The following PAFAH1B1 variants were observed in gnomAD, a reference collection of about 807,000 sequenced individuals.
PAFAH1B1 encodes the protein platelet-activating factor acetylhydrolase IB subunit beta.
In PAFAH1B1, 2 loss-of-function variants were observed where a neutral mutation model predicts 57.5. That is an observed-to-expected ratio of 0.03 (90% confidence interval 0.01 to 0.11). The LOEUF (loss-of-function observed/expected upper bound fraction) is 0.11. Among genes scored for constraint, PAFAH1B1 ranks in the 10% least tolerant of loss-of-function variants. The pLI, the probability that PAFAH1B1 is intolerant of heterozygous loss-of-function variation, is 1.00. For synonymous variants in PAFAH1B1, 152 were observed against 169.6 expected, an observed-to-expected ratio of 0.90 and a Z score of 0.81; for missense variants, 257 against 512.0, an observed-to-expected ratio of 0.50 and a Z score of 4.81.
At chr17:2,603,182 CAG>C (rs2068165246) in intron 1 of PAFAH1B1, among the ~76,000 whole-genome samples, 1 of 151,706 alleles carries the variant, frequency 6.6e-6, no homozygotes, top group South Asian at 2.1e-4. Context: ...TTTTTTGAGA[CAG>C]GGTCTGGCTC....
In PAFAH1B1 at chr17:2,674,063, C is replaced by T. The variant is rs587784282; in HGVS notation, c.675C>T (p.Tyr225=). 2 of 1,601,286 alleles carry T rather than the reference C, an allele frequency of 1.2e-6. No individual in the cohort carries two copies. The highest frequency in any genetic ancestry group is 1.7e-6 in the Non-Finnish European group (2 of 1,168,666). Residue 225 remains tyrosine (Y), a synonymous_variant, in exon 8 of 11, where the codon TAC becomes TAT. Coordinates refer to ENST00000397195, the MANE Select transcript of PAFAH1B1 (RefSeq NM_000430.4). ...TIKMWEVQTG[Y]CVKTFTGHRE... is the part of the protein sequence containing the mutation. ...AAGTTATTATTTATATTGACAGCTACTGTGTGAAGACATTCACAGGACACA... is the reference window on the plus strand; with the variant it reads ...AAGTTATTATTTATATTGACAGCTATTGTGTGAAGACATTCACAGGACACA...
intron 1 of PAFAH1B1, among the ~76,000 whole-genome samples, chr17:2,626,014 G>T (rs1384410476): frequency 6.6e-6 from 1 of 152,140 alleles, no homozygotes; most frequent in African/African-American, 2.4e-5. Flanking sequence ...ACTTTGGGAG[G>T]CCAAGGCAGG....
At chr17:2,666,694 C>T (rs2069110083) in intron 4 of PAFAH1B1, among the ~76,000 whole-genome samples, 1 of 152,094 alleles carries the variant, frequency 6.6e-6, no homozygotes, top group South Asian at 2.1e-4. Context: ...AATTCACTGC[C>T]CTTCTCTAAT....
chr17:2,642,968 C>T (rs189007870), intron 2 of PAFAH1B1, among the ~76,000 whole-genome samples: 408 of 152,268 alleles, frequency 2.7e-3, no homozygotes, highest in African/African-American at 9.0e-3. Flanking sequence ...ATGTTACCCC[C>T]AACTCCTTTC....
intron 2 of PAFAH1B1, among the ~76,000 whole-genome samples, chr17:2,654,587 T>C (rs561992206): frequency 2.0e-5 from 3 of 152,170 alleles, no homozygotes; most frequent in Non-Finnish European, 4.4e-5. Flanking sequence ...AGGTAAAAAA[T>C]TAAAAAGGCC....
chr17:2,600,899 AT>A (rs1461284032), intron 1 of PAFAH1B1, among the ~76,000 whole-genome samples: 1 of 151,732 alleles, frequency 6.6e-6, no homozygotes, highest in East Asian at 2.0e-4. Flanking sequence ...CACCTGGCTA[AT>A]TTTTTATTTT....
chr17:2,619,296 A>G (rs2068388590), intron 1 of PAFAH1B1, among the ~76,000 whole-genome samples: 1 of 152,068 alleles, frequency 6.6e-6, no homozygotes, highest in Non-Finnish European at 1.5e-5. Context: ...GGACCTAAGT[A>G]TGTACCAACC....
chr17:2,662,377 T>TC (rs1567552873), intron 2 of PAFAH1B1, among the ~76,000 whole-genome samples: 2 of 126,082 alleles, frequency 1.6e-5, no homozygotes, highest in Admixed American at 1.8e-4. Context: ...TTTTAACCTC[T>TC]TTGTGTGTGT....
At chr17:2,655,151 G>T (rs942162717) in intron 2 of PAFAH1B1, among the ~76,000 whole-genome samples, 2 of 150,146 alleles carry the variant, frequency 1.3e-5, no homozygotes, top group East Asian at 3.9e-4. Context: ...GAATGAAATT[G>T]CTGATCATTT....
intron 2 of PAFAH1B1, among the ~76,000 whole-genome samples, chr17:2,642,934 AC>A (rs1234902787): frequency 2.0e-5 from 3 of 151,714 alleles, no homozygotes; most frequent in Non-Finnish European, 4.4e-5. Context: ...CAGAAGTGTT[AC>A]TCTCTTCTGA....
intron 8 of PAFAH1B1, 146 bp from the exon 9 acceptor site, chr17:2,676,359 C>G (rs183855034): frequency 1.1e-3 from 693 of 632,808 alleles, no homozygotes; most frequent in Non-Finnish European, 1.4e-3. Flanking sequence ...GCCTGGGTGA[C>G]AGAGCCAGAC....
At chr17:2,664,665 G>GCGCTCGCGCTCGCGCT in intron 2 of PAFAH1B1, among the ~76,000 whole-genome samples, 1 of 86,028 alleles carries the variant, frequency 1.2e-5, no homozygotes, top group African/African-American at 3.9e-5. Flanking sequence ...TCTATCTATC[G>GCGCTCGCGCTCGCGCT]CTCTCTCTCT....
chr17:2,681,530 G>T, intron 10 of PAFAH1B1, 199 bp from the exon 11 acceptor site: 1 of 569,668 alleles, frequency 1.8e-6, no homozygotes, highest in Non-Finnish European at 3.2e-6. Flanking sequence ...CAGTGGTGCA[G>T]TCATGGCTCG....
At chr17:2,676,303 G>T in intron 8 of PAFAH1B1, 2 of 508,382 alleles carry the variant, frequency 3.9e-6, no homozygotes, top group Non-Finnish European at 7.1e-6. Flanking sequence ...GCTTGAACCC[G>T]GGAGGCGGAG....
rs367780887 is a variant in PAFAH1B1 at position 2,600,271 on chromosome 17, G to A, written c.-191+6265G>A. Among the ~76,000 whole-genome samples, 11 of 150,932 alleles carry A rather than the reference G, an allele frequency of 7.3e-5. No individual in the cohort carries two copies. In the East Asian group the frequency reaches 1.4e-3, roughly 19 times the overall value. On this transcript the variant is annotated intron_variant, in intron 1 of 10. Transcript: ENST00000397195. ...CAATCCATTTTTAATCTAAGGTAAA[G>A]ATAGAAGAGTTTGTTTTATGGGTTG...
intron 2 of PAFAH1B1, among the ~76,000 whole-genome samples, chr17:2,646,740 T>C (rs2068774931): frequency 6.6e-6 from 1 of 152,186 alleles, no homozygotes; most frequent in Admixed American, 6.5e-5. Flanking sequence ...CAAGAAATAG[T>C]AGGAAACTTG....
At chr17:2,612,143 G>T (rs1224861141) in intron 1 of PAFAH1B1, among the ~76,000 whole-genome samples, 3 of 151,132 alleles carry the variant, frequency 2.0e-5, no homozygotes, top group Non-Finnish European at 4.4e-5. Flanking sequence ...TTTGACGGTT[G>T]TTGAATAATT....
chr17:2,615,221 A>T (rs1340214529), intron 1 of PAFAH1B1, among the ~76,000 whole-genome samples: 2 of 152,206 alleles, frequency 1.3e-5, no homozygotes, highest in African/African-American at 4.8e-5. Context: ...GGTTATATGC[A>T]AATACTAAGC....
intron 1 of PAFAH1B1, among the ~76,000 whole-genome samples, chr17:2,631,603 C>T (rs563199273): frequency 6.6e-5 from 10 of 152,306 alleles, no homozygotes; most frequent in African/African-American, 2.4e-4. Flanking sequence ...CGACTGCAAA[C>T]GGACCTTCAG....
Sources: allele counts gnomAD v4.1 joint callset (sites outside exome capture counted in the v4.1 genomes callset), GRCh38; gene constraint gnomAD v4.1.1; transcripts MANE v1.5; gene names NCBI Gene and HGNC (gene_info 2026-07-23, HGNC 2026-07-21).